The following SEPTIN9 variants were observed in gnomAD, a reference collection of about 807,000 sequenced individuals.
The protein encoded by SEPTIN9 is septin 9.
In SEPTIN9, 13 loss-of-function variants were observed where a neutral mutation model predicts 56.6. The ratio of observed to expected loss-of-function variants is 0.23; its 90% CI spans 0.15 to 0.37. The LOEUF is 0.37. Among genes scored for constraint, SEPTIN9 ranks in the 10% least tolerant of loss-of-function variants. The pLI is 1.00. For synonymous variants in SEPTIN9, 332 were observed against 334.1 expected, an observed-to-expected ratio of 0.99 and a Z score of 0.07; for missense variants, 650 against 823.1, an observed-to-expected ratio of 0.79 and a Z score of 2.57.
In SEPTIN9 at chr17:77,323,333, T is replaced by C. The variant is rs2033012286; in HGVS notation, c.76+16136T>C. On this transcript the variant is annotated intron_variant, in intron 2 of 11. Transcript: ENST00000427177. This position sits in a 1 kb window ranked among gnomAD's most constrained non-coding sequence, Gnocchi z 6.8. ...GCTTTTTTTTTGTTCTGGAACGGCT[T>C]TGTGGCTTTTACAAATTAAGCAGTT... Among the ~76,000 whole-genome samples the C allele has an allele frequency of 6.6e-6, 1 of 152,256 alleles. No individual in the cohort carries two copies. Among genetic ancestry groups the C allele is most frequent in the African/African-American group, 2.4e-5 (1 of 41,552 alleles).
At position 77,405,588 on chromosome 17, in the gene SEPTIN9, C is replaced by T. The variant is rs1375366338; in HGVS notation, c.721+2885C>T. Among the ~76,000 whole-genome samples, 1 of 152,128 alleles carries T rather than the reference C, an allele frequency of 6.6e-6. No individual in the cohort carries two copies. The highest frequency in any genetic ancestry group is 1.5e-5 in the Non-Finnish European group (1 of 68,004). ...AGGTCCGTGGGCTGGGCTGACAGTC[C>T]TGAGGGCCTAAGCAAGTCCAGGTGG... On this transcript the variant is annotated intron_variant, in intron 3 of 11. Coordinates refer to ENST00000427177, the MANE Select transcript of SEPTIN9 (RefSeq NM_001113491.2). This position sits in a 1 kb window ranked among gnomAD's most constrained non-coding sequence, Gnocchi z 5.8.
intron 2 of SEPTIN9, among the ~76,000 whole-genome samples, chr17:77,325,319 T>C (rs986672866): frequency 4.6e-5 from 7 of 152,228 alleles, no homozygotes; most frequent in African/African-American, 1.7e-4. Flanking sequence ...GATTTTTGCA[T>C]GTGGTGTAAG....
At position 77,402,321 on chromosome 17, in the gene SEPTIN9, C is replaced by T; in HGVS notation, c.339C>T (p.Asp113=). 1.2e-6 allele frequency: 2 copies of T among 1,612,758 alleles called. No individual in the cohort carries two copies. The highest frequency in any genetic ancestry group is 1.1e-5 in the South Asian group (1 of 91,060). ...CCCGGCGCACTGAGCTGTCCATTGACATCTCGTCCAAGCAGGTGGAGAACG... is the reference window on the plus strand; with the variant it reads ...CCCGGCGCACTGAGCTGTCCATTGATATCTCGTCCAAGCAGGTGGAGAACG... ...PVSRRTELSI[D]ISSKQVENAG... is the part of the protein sequence containing the mutation. Residue 113 remains aspartate, a synonymous_variant, in exon 3 of 12, where the codon GAC becomes GAT. Coordinates refer to ENST00000427177, the MANE Select transcript of SEPTIN9 (RefSeq NM_001113491.2). The surrounding 1 kb of genome is among the most constrained non-coding windows in gnomAD (Gnocchi z 6.6).
chr17:77,333,849 T>G (rs190029101), intron 2 of SEPTIN9, among the ~76,000 whole-genome samples: 2 of 152,176 alleles, frequency 1.3e-5, no homozygotes, highest in East Asian at 3.8e-4. Context: ...TGGTGACTTA[T>G]GAGGTCGCAC....
chr17:77,433,025 C>T lies in SEPTIN9; in HGVS notation c.721+30322C>T, dbSNP rs555561311. Among the ~76,000 whole-genome samples the T allele has an allele frequency of 3.8e-3, 579 of 152,360 alleles. 1 individual carries two copies. Among genetic ancestry groups the T allele is most frequent in the African/African-American group, 0.012 (516 of 41,584 alleles). ...GTCGCCGTGGCGGGGCTGTTCCCTCCTGCCCCTCCCCTCCCGCTGTGCTCT... is the reference window on the plus strand; with the variant it reads ...GTCGCCGTGGCGGGGCTGTTCCCTCTTGCCCCTCCCCTCCCGCTGTGCTCT... On this transcript the variant is annotated intron_variant, in intron 3 of 11. Transcript: ENST00000427177. The surrounding 1 kb of genome is among the most constrained non-coding windows in gnomAD (Gnocchi z 6.4).
At chr17:77,376,113 G>A in intron 2 of SEPTIN9, 1 of 986,654 alleles carries the variant, frequency 1.0e-6, no homozygotes, top group South Asian at 4.7e-5. Context: ...CCTTGAGGGA[G>A]AGTAGGAATT....
rs2037057669 is a variant in SEPTIN9 at position 77,429,747 on chromosome 17, G to T, written c.721+27044G>T. On this transcript the variant is annotated intron_variant, in intron 3 of 11. Coordinates refer to ENST00000427177, the MANE Select transcript of SEPTIN9 (RefSeq NM_001113491.2). The surrounding 1 kb of genome is among the most constrained non-coding windows in gnomAD (Gnocchi z 5.2). ...TTTCAAGTGAGCATCCTGAGCTGCG[G>T]GGACCCAGGGGGTCTTAGAGACCTC... Among the ~76,000 whole-genome samples, 1 of 152,108 alleles carries T rather than the reference G, an allele frequency of 6.6e-6. No homozygotes were observed. Among genetic ancestry groups the T allele is most frequent in the Non-Finnish European group, 1.5e-5 (1 of 68,020 alleles).
At chr17:77,325,481 C>T (rs2033098871) in intron 2 of SEPTIN9, among the ~76,000 whole-genome samples, 1 of 152,222 alleles carries the variant, frequency 6.6e-6, no homozygotes, top group Admixed American at 6.5e-5. Context: ...GGAGTCTCAG[C>T]TCCTGCCCAG....
At chr17:77,385,345 A>G (rs1247659254) in intron 2 of SEPTIN9, among the ~76,000 whole-genome samples, 1 of 151,842 alleles carries the variant, frequency 6.6e-6, no homozygotes, top group Non-Finnish European at 1.5e-5. Context: ...ACAAGAGGAA[A>G]GCCTCCATTC....
At chr17:77,454,291 C>T (rs369164711) in intron 3 of SEPTIN9, 14 of 985,490 alleles carry the variant, frequency 1.4e-5, no homozygotes, top group Non-Finnish European at 1.7e-5. Context: ...GGCTGGGACT[C>T]TAGTCCCAGA....
rs1037265279 is a variant in SEPTIN9 at position 77,435,219 on chromosome 17, G to C, written c.721+32516G>C. Among the ~76,000 whole-genome samples, 5 of 152,164 alleles carry C rather than the reference G, an allele frequency of 3.3e-5. No individual in the cohort carries two copies. Among genetic ancestry groups the C allele is most frequent in the Admixed American group, 3.3e-4 (5 of 15,290 alleles). On this transcript the variant is annotated intron_variant, in intron 3 of 11. Transcript: ENST00000427177. This position sits in a 1 kb window ranked among gnomAD's most constrained non-coding sequence, Gnocchi z 4.5. The stretch of plus-strand genomic sequence containing the variant: ...GGGAGGGTCCGAATGCGGAAAGTCT[G>C]GCTTCAGTGCCCCCATCCCTAACCA...
At chr17:77,493,752 G>A (rs1462092512) in intron 10 of SEPTIN9, among the ~76,000 whole-genome samples, 6 of 145,614 alleles carry the variant, frequency 4.1e-5, no homozygotes, top group African/African-American at 1.3e-4. Flanking sequence ...TCTCTGTCCC[G>A]TCCCTCCTCT....
chr17:77,287,731 C>T (rs1236534138), intron 1 of SEPTIN9, among the ~76,000 whole-genome samples: 1 of 152,252 alleles, frequency 6.6e-6, no homozygotes, highest in East Asian at 1.9e-4. Flanking sequence ...CTCCTGGGCA[C>T]TGCTTGCCAA....
In SEPTIN9 at chr17:77,367,266, G is replaced by A. The variant is rs1247951992; in HGVS notation, c.77-34793G>A. Among the ~76,000 whole-genome samples the A allele has an allele frequency of 6.6e-6, 1 of 152,222 alleles. No homozygotes were observed. Among genetic ancestry groups the A allele is most frequent in the Non-Finnish European group, 1.5e-5 (1 of 68,032 alleles). ...CCCAGGTGGAAACCATGCACTGTCT[G>A]TGATCCTGGGCATGTCGAGGCTGGA... On this transcript the variant is annotated intron_variant, in intron 2 of 11. Coordinates refer to ENST00000427177, the MANE Select transcript of SEPTIN9 (RefSeq NM_001113491.2). The surrounding 1 kb of genome is among the most constrained non-coding windows in gnomAD (Gnocchi z 4.5).
chr17:77,376,832 C>G (rs146454101), intron 2 of SEPTIN9: 2 of 152,462 alleles, frequency 1.3e-5, no homozygotes, highest in Admixed American at 6.5e-5. Flanking sequence ...CTGGGCACAT[C>G]TACCCCCTCC....
In SEPTIN9 at chr17:77,326,543, C is replaced by CG. The variant is rs1056922286; in HGVS notation, c.76+19352dup. On this transcript the variant is annotated intron_variant, in intron 2 of 11. Coordinates refer to ENST00000427177, the MANE Select transcript of SEPTIN9 (RefSeq NM_001113491.2). This position sits in a 1 kb window ranked among gnomAD's most constrained non-coding sequence, Gnocchi z 5.1. ...CAATGTGTTCAAAGGCCCTGGGGCG[C>CG]GGGGGGCTGAGGCCGGCAGCACGGC... Among the ~76,000 whole-genome samples the CG allele has an allele frequency of 3.9e-5, 6 of 152,114 alleles. No individual in the cohort carries two copies. Among genetic ancestry groups the CG allele is most frequent in the African/African-American group, 1.2e-4 (5 of 41,408 alleles).
At chr17:77,315,461 T>C (rs1029588802) in intron 2 of SEPTIN9, among the ~76,000 whole-genome samples, 7 of 152,152 alleles carry the variant, frequency 4.6e-5, no homozygotes, top group Non-Finnish European at 1.0e-4. Flanking sequence ...CTAATTTTTG[T>C]ATTTTTAGTA....
intron 3 of SEPTIN9, among the ~76,000 whole-genome samples, chr17:77,426,060 C>T: frequency 6.6e-6 from 1 of 152,112 alleles, no homozygotes; most frequent in Non-Finnish European, 1.5e-5. Flanking sequence ...TCCACACCTC[C>T]CAGCACCTCC....
At chr17:77,423,951 G>GAACA (rs2036801362) in intron 3 of SEPTIN9, among the ~76,000 whole-genome samples, 1 of 90,868 alleles carries the variant, frequency 1.1e-5, no homozygotes, top group South Asian at 4.7e-4. Context: ...GGCCAGCAGG[G>GAACA]AACACTCTGC....
Sources: gnomAD v4.1 joint callset for allele counts (sites outside exome capture counted in the v4.1 genomes callset) on GRCh38, gnomAD v4.1.1 for gene constraint, Gnocchi (gnomAD v3.1) non-coding constraint, MANE v1.5 for transcripts, NCBI Gene and HGNC (gene_info 2026-07-23, HGNC 2026-07-21) for gene names.